RSF1: variants seen among roughly 807,000 people sequenced by gnomAD.
RSF1 encodes the protein remodeling and spacing factor 1.
RSF1 carries 13 observed loss-of-function variants against 145.2 expected under a neutral mutation model. The ratio of observed to expected loss-of-function variants is 0.09; its 90% CI spans 0.06 to 0.14. RSF1 has a LOEUF of 0.14. RSF1 is among the 10% of genes least tolerant of loss of function. The probability of loss-of-function intolerance (pLI) is 1.00; values close to 1 mark genes in which losing one functional copy is unlikely to be tolerated. For synonymous variants in RSF1, 577 were observed against 592.6 expected, an observed-to-expected ratio of 0.97 and a Z score of 0.38; for missense variants, 1,517 against 1,718.2, an observed-to-expected ratio of 0.88 and a Z score of 2.07.
chr11:77,869,933 C>A, the RSF1 span: 1 of 968,576 alleles, frequency 1.0e-6, no homozygotes, highest in Non-Finnish European at 1.6e-6. Flanking sequence ...CCTCATTTTG[C>A]TGACCCAGGA....
intron 1 of RSF1, among the ~76,000 whole-genome samples, chr11:77,816,563 C>A (rs182492377): frequency 6.6e-6 from 1 of 152,182 alleles, no homozygotes; most frequent in Non-Finnish European, 1.5e-5. Flanking sequence ...CTATGAGAAT[C>A]CTAACACATT....
intron 11 of RSF1, among the ~76,000 whole-genome samples, chr11:77,679,461 C>A (rs1427815058): frequency 2.0e-5 from 3 of 152,006 alleles, no homozygotes; most frequent in African/African-American, 4.8e-5. Flanking sequence ...TCACTTGAGC[C>A]CAGGAGTTCA....
intron 8 of RSF1, among the ~76,000 whole-genome samples, chr11:77,692,028 T>C (rs562316171): frequency 3.5e-4 from 53 of 152,174 alleles, no homozygotes; most frequent in Middle Eastern, 3.4e-3. Context: ...GTAGCAGGGA[T>C]TACAGGCGTG....
intron 2 of RSF1, among the ~76,000 whole-genome samples, chr11:77,752,193 C>A (rs1236993495): frequency 6.6e-6 from 1 of 152,182 alleles, no homozygotes; most frequent in Non-Finnish European, 1.5e-5. Context: ...CCTGAAAAAT[C>A]GAGCTGCAAA....
At chr11:77,737,621 G>GTGTGT (rs1554991241) in intron 4 of RSF1, among the ~76,000 whole-genome samples, 6,657 of 93,224 alleles carry the variant, frequency 0.071, 206 homozygotes, top group Middle Eastern at 0.083. Flanking sequence ...TGTTTTGGGG[G>GTGTGT]GTGTGTGTGT....
chr11:77,728,842 T>C (rs990392301), intron 4 of RSF1, among the ~76,000 whole-genome samples: 2 of 151,208 alleles, frequency 1.3e-5, no homozygotes, highest in Non-Finnish European at 2.9e-5. Flanking sequence ...CGGTGTTAGA[T>C]AGTGGTACCA....
intron 2 of RSF1, among the ~76,000 whole-genome samples, chr11:77,760,549 A>G (rs998366815): frequency 9.9e-5 from 15 of 152,238 alleles, no homozygotes; most frequent in African/African-American, 3.6e-4. Flanking sequence ...AAAATGGTGA[A>G]TTTTATCTTA....
chr11:77,779,622 T>A lies in RSF1; in HGVS notation c.188-14933A>T, dbSNP rs377267776. 2.0e-4 allele frequency among the ~76,000 whole-genome samples: 30 copies of A among 152,272 alleles called. No individual in the cohort carries two copies. The East Asian group carries it at 3.5e-3, about 18-fold the overall frequency. On this transcript the variant is annotated intron_variant, in intron 1 of 15. Coordinates refer to ENST00000308488, the MANE Select transcript of RSF1 (RefSeq NM_016578.4). Reference sequence around the variant, plus strand: ...GTCTCGAACTCTTGACCTCAGGTGATCTGCCCACCTCAGCCTGGGATTACA... The same window carrying A: ...GTCTCGAACTCTTGACCTCAGGTGAACTGCCCACCTCAGCCTGGGATTACA...
chr11:77,668,462 C>CT (rs1959430562), intron 15 of RSF1, among the ~76,000 whole-genome samples: 1 of 152,236 alleles, frequency 6.6e-6, no homozygotes, highest in Non-Finnish European at 1.5e-5. Flanking sequence ...CTCTGTACCT[C>CT]TTAAACACTG....
the RSF1 span, among the ~76,000 whole-genome samples, chr11:77,858,194 ATTTTTT>A: frequency 7.6e-6 from 1 of 130,816 alleles, no homozygotes; most frequent in Non-Finnish European, 1.6e-5. Context: ...AATATATATA[ATTTTTT>A]TTTTTTTTTT....
intron 5 of RSF1, among the ~76,000 whole-genome samples, chr11:77,712,815 TA>T (rs969184111): frequency 3.3e-5 from 5 of 152,250 alleles, no homozygotes; most frequent in African/African-American, 1.2e-4. Flanking sequence ...TTCTATGGAT[TA>T]AAATCTATCT....
rs1019505610 is a variant in RSF1 at position 77,741,017 on chromosome 11, G to C, written c.373-81C>G. ...GTAAATATGATACAACCGTAGAATT[G>C]ATTCAGGGAAAGCAGTGGACAGAAC... On this transcript the variant is annotated intron_variant, in intron 3 of 15. Transcript: ENST00000308488. 9.5e-6 allele frequency: 10 copies of C among 1,054,886 alleles called. No homozygotes were observed. The South Asian group carries it at 1.2e-4, about 13-fold the overall frequency. The allele number at this position is 1,054,886 out of a possible 1,614,324, so 65.3% of individuals were successfully genotyped here.
chr11:77,809,672 T>G (rs541533126), intron 1 of RSF1, among the ~76,000 whole-genome samples: 7 of 152,294 alleles, frequency 4.6e-5, no homozygotes, highest in African/African-American at 1.7e-4. Context: ...TGTAGATGGT[T>G]TATTTATGGT....
At chr11:77,708,031 T>G (rs1302431789) in intron 5 of RSF1, among the ~76,000 whole-genome samples, 2 of 152,208 alleles carry the variant, frequency 1.3e-5, no homozygotes, top group Non-Finnish European at 2.9e-5. Context: ...AAGTTTTCTA[T>G]AGTGAACATG....
Position 77,675,117 on chromosome 11 carries a change from G to T in RSF1, c.3481C>A (p.Arg1161Ser), listed in dbSNP as rs1317132886. 1 of 1,614,048 alleles carries T rather than the reference G, an allele frequency of 6.2e-7. No homozygotes were observed. Residue 1161 changes from arginine (R) to serine (S), a missense_variant, in exon 14 of 16, where the codon CGT becomes AGT. Arg to Ser is a moderately radical substitution (Grantham distance 110). Coordinates refer to ENST00000308488, the MANE Select transcript of RSF1 (RefSeq NM_016578.4). ...HPSRPMRQSRRLRRKTPKKKY... is the reference protein window; with the variant it reads ...HPSRPMRQSRSLRRKTPKKKY... The stretch of plus-strand genomic sequence containing the variant: ...TTCTTTGGGGTCTTTCTTCGCAAAC[G>T]CCTGCTCTGCCTCATTGGCCGAGAG...
the RSF1 span, among the ~76,000 whole-genome samples, chr11:77,848,414 A>G: frequency 3.3e-5 from 5 of 151,976 alleles, no homozygotes; most frequent in African/African-American, 9.7e-5. Flanking sequence ...GCTGGAGTGC[A>G]GGGCGTGATC....
the RSF1 span, among the ~76,000 whole-genome samples, chr11:77,854,879 C>T: frequency 6.6e-6 from 1 of 152,220 alleles, no homozygotes; most frequent in African/African-American, 2.4e-5. Flanking sequence ...TACGCACCCC[C>T]AGCAGACTTC....
chr11:77,779,345 C>CT (rs545058132), intron 1 of RSF1, among the ~76,000 whole-genome samples: 43 of 151,800 alleles, frequency 2.8e-4, no homozygotes, highest in Non-Finnish European at 5.6e-4. Context: ...GTAGCTAGGA[C>CT]TATAGGCACA....
intron 1 of RSF1, among the ~76,000 whole-genome samples, chr11:77,798,829 G>T (rs936429939): frequency 7.3e-5 from 11 of 151,522 alleles, no homozygotes; most frequent in Non-Finnish European, 2.9e-5. Context: ...AACAGGGCTT[G>T]TCGGGAGGTG....
Sources: gnomAD v4.1 joint callset for allele counts (sites outside exome capture counted in the v4.1 genomes callset) on GRCh38, gnomAD v4.1.1 for gene constraint, MANE v1.5 for transcripts, NCBI Gene and HGNC (gene_info 2026-07-23, HGNC 2026-07-21) for gene names.